AOAH: variants seen among roughly 807,000 people sequenced by gnomAD.
The protein encoded by AOAH is acyloxyacyl hydrolase (neutrophil).
A neutral mutation model predicts 92.2 loss-of-function variants in AOAH; 64 were observed. The ratio of observed to expected loss-of-function variants is 0.69; its 90% CI spans 0.57 to 0.86. The LOEUF (loss-of-function observed/expected upper bound fraction) is 0.86. Ranked by LOEUF, AOAH falls within the 40% of genes least tolerant of loss-of-function variation. AOAH has a pLI of 0.00. For missense variants in AOAH, 656 were observed against 694.6 expected (o/e 0.94, Z 0.62); for synonymous variants, 263 against 254.5 (o/e 1.03, Z -0.32).
At chr7:36,720,243 G>C (rs1298507760) in intron 1 of AOAH, among the ~76,000 whole-genome samples, 19 of 151,960 alleles carry the variant, frequency 1.3e-4, no homozygotes, top group Non-Finnish European at 5.9e-5. Context: ...TCTGCCTCCT[G>C]GGTTCAAGCG....
chr7:36,668,043 G>A (rs1442917868), intron 3 of AOAH, among the ~76,000 whole-genome samples: 1 of 152,180 alleles, frequency 6.6e-6, no homozygotes, highest in Non-Finnish European at 1.5e-5. Context: ...ACCATTGACA[G>A]TCAAAATGAT....
intron 11 of AOAH, among the ~76,000 whole-genome samples, chr7:36,602,356 G>A (rs533143666): frequency 1.3e-5 from 2 of 151,240 alleles, no homozygotes; most frequent in East Asian, 1.9e-4. Context: ...TGAATGAGTC[G>A]AGGGATGCAT....
At chr7:36,635,069 T>C (rs75263496) in intron 5 of AOAH, among the ~76,000 whole-genome samples, 3,374 of 152,268 alleles carry the variant, frequency 0.022, 116 homozygotes, top group African/African-American at 0.077. Context: ...CAAAGAGAAC[T>C]GAGATGGGCC....
intron 1 of AOAH, among the ~76,000 whole-genome samples, chr7:36,703,359 G>A (rs1241433775): frequency 1.3e-5 from 2 of 152,084 alleles, no homozygotes; most frequent in East Asian, 3.8e-4. Context: ...AGGAATAAGT[G>A]CCTATGGCAG....
chr7:36,670,066 GT>G (rs200284787), intron 3 of AOAH, among the ~76,000 whole-genome samples: 32 of 150,518 alleles, frequency 2.1e-4, no homozygotes, highest in Admixed American at 8.0e-4. Flanking sequence ...TCCTTTTTTT[GT>G]TTTTTTTTTT....
intron 1 of AOAH, among the ~76,000 whole-genome samples, chr7:36,687,540 T>C (rs1584117961): frequency 6.6e-6 from 1 of 151,928 alleles, no homozygotes; most frequent in East Asian, 1.9e-4. Flanking sequence ...ACCAAACCTT[T>C]TTTTTTTTTT....
chr7:36,570,857 C>T (rs1247337970), intron 13 of AOAH, among the ~76,000 whole-genome samples: 1 of 152,112 alleles, frequency 6.6e-6, no homozygotes, highest in Non-Finnish European at 1.5e-5. Context: ...AATGGGACTC[C>T]TAACTTATTT....
chr7:36,622,388 T>C (rs1486386660), intron 7 of AOAH, among the ~76,000 whole-genome samples: 2 of 152,252 alleles, frequency 1.3e-5, no homozygotes, highest in African/African-American at 2.4e-5. Flanking sequence ...GGTTTAAATA[T>C]TTGACCTGAA....
intron 2 of AOAH, among the ~76,000 whole-genome samples, chr7:36,682,771 T>C (rs914681857): frequency 6.6e-6 from 1 of 151,524 alleles, no homozygotes; most frequent in Non-Finnish European, 1.5e-5. Context: ...TTAAGTGAAA[T>C]AGAAGGTAGA....
chr7:36,531,009 T>A (rs920840546), intron 18 of AOAH, among the ~76,000 whole-genome samples: 3 of 152,340 alleles, frequency 2.0e-5, no homozygotes, highest in Non-Finnish European at 4.4e-5. Context: ...TAGTGTAAAT[T>A]TGGAAACAAT....
chr7:36,625,019 G>C (rs1792544500), intron 6 of AOAH, among the ~76,000 whole-genome samples: 1 of 152,158 alleles, frequency 6.6e-6, no homozygotes, highest in South Asian at 2.1e-4. Context: ...GGACCACTGA[G>C]AGGAGGACCC....
chr7:36,581,150 AT>A (rs1398723965), intron 12 of AOAH, among the ~76,000 whole-genome samples: 1 of 152,118 alleles, frequency 6.6e-6, no homozygotes, highest in African/African-American at 2.4e-5. Flanking sequence ...CCTCACCTGC[AT>A]TTCTACAGCT....
intron 12 of AOAH, 80 bp downstream of exon 12, chr7:36,594,259 A>C: frequency 8.8e-7 from 1 of 1,139,496 alleles, no homozygotes; most frequent in Non-Finnish European, 1.3e-6. Flanking sequence ...GCATTTCAAC[A>C]TCTTGGTAGC....
chr7:36,634,382 CCCTAT>C (rs1793368097), intron 5 of AOAH, among the ~76,000 whole-genome samples: 1 of 152,138 alleles, frequency 6.6e-6, no homozygotes, highest in South Asian at 2.1e-4. Context: ...CTGTGAAAAT[CCCTAT>C]CCTGTTTTGT....
At chr7:36,642,567 T>C (rs1793982749) in intron 4 of AOAH, among the ~76,000 whole-genome samples, 1 of 152,226 alleles carries the variant, frequency 6.6e-6, no homozygotes, top group African/African-American at 2.4e-5. Flanking sequence ...CACAGACTCA[T>C]ACAACTCTCG....
chr7:36,648,296 T>C (rs563519126), intron 4 of AOAH, among the ~76,000 whole-genome samples: 1 of 152,344 alleles, frequency 6.6e-6, no homozygotes, highest in South Asian at 2.1e-4. Flanking sequence ...ACATAGGAGG[T>C]GGATAAAATC....
At chr7:36,531,899 C>T (rs1784716726) in intron 18 of AOAH, among the ~76,000 whole-genome samples, 1 of 151,670 alleles carries the variant, frequency 6.6e-6, no homozygotes, top group Non-Finnish European at 1.5e-5. Context: ...TGTGTACACA[C>T]ATGTGTACAC....
At chr7:36,594,260 T>A (rs1027676070) in intron 12 of AOAH, 79 bp downstream of exon 12, 2 of 1,150,446 alleles carry the variant, frequency 1.7e-6, no homozygotes, top group Admixed American at 3.6e-5. Flanking sequence ...CATTTCAACA[T>A]CTTGGTAGCA....
intron 12 of AOAH, among the ~76,000 whole-genome samples, chr7:36,590,059 C>T (rs1004598731): frequency 4.6e-5 from 7 of 152,024 alleles, no homozygotes; most frequent in Admixed American, 2.0e-4. Flanking sequence ...CTCAAGCAAT[C>T]TTCCCGTCTC....
Sources: gnomAD v4.1 joint callset for allele counts (sites outside exome capture counted in the v4.1 genomes callset) on GRCh38, gnomAD v4.1.1 for gene constraint, MANE v1.5 for transcripts, NCBI Gene and HGNC (gene_info 2026-07-23, HGNC 2026-07-21) for gene names.